Variants in KIF13A observed in about 807,000 individuals in gnomAD.
The protein encoded by KIF13A is kinesin family member 13A.
In KIF13A, 79 loss-of-function variants were observed where a neutral mutation model predicts 212.2. The ratio of observed to expected loss-of-function variants is 0.37; its 90% confidence interval spans 0.31 to 0.45. The LOEUF (loss-of-function observed/expected upper bound fraction) is 0.45, where lower values mean the gene tolerates loss of function less well. Ranked by LOEUF, KIF13A falls within the 20% of genes least tolerant of loss-of-function variation. The pLI, the probability that KIF13A is intolerant of heterozygous loss-of-function variation, is 1.00. For missense variants in KIF13A, 1,901 were observed against 2,209.0 expected, an observed-to-expected ratio of 0.86 and a Z score of 2.79; for synonymous variants, 789 against 808.6, an observed-to-expected ratio of 0.98 and a Z score of 0.41.
chr6:17,890,521 T>G (rs1243000211), intron 3 of KIF13A, among the ~76,000 whole-genome samples: 1 of 152,074 alleles, frequency 6.6e-6, no homozygotes, highest in African/African-American at 2.4e-5. Flanking sequence ...CATAATTAGG[T>G]AGTGATTCTC....
intron 16 of KIF13A, among the ~76,000 whole-genome samples, chr6:17,818,908 T>C (rs1475684535): frequency 6.6e-6 from 1 of 152,232 alleles, no homozygotes; most frequent in African/African-American, 2.4e-5. Flanking sequence ...TACTGTTTTA[T>C]TGATATAAAA....
intron 2 of KIF13A, among the ~76,000 whole-genome samples, chr6:17,940,048 TAAAAA>T (rs56365666): frequency 5.7e-5 from 7 of 121,866 alleles, no homozygotes; most frequent in Admixed American, 9.1e-5. Flanking sequence ...TCTCATAAAT[TAAAAA>T]AAAAAAAAAA....
At position 17,856,245 on chromosome 6, in the gene KIF13A, A is replaced by T; in HGVS notation, c.221-123T>A. 1 of 662,738 alleles carries T rather than the reference A, an allele frequency of 1.5e-6. No individual in the cohort carries two copies. The highest frequency in any genetic ancestry group is 2.6e-6 in the Non-Finnish European group (1 of 378,042). The allele number at this position is 662,738 out of a possible 1,614,324, so 41.1% of individuals were successfully genotyped here. A position where few individuals can be genotyped will look rare whatever the true frequency, so the allele number is the denominator to read the frequency against. On this transcript the variant is annotated intron_variant, in intron 4 of 38. Coordinates refer to ENST00000259711, the MANE Select transcript of KIF13A (RefSeq NM_022113.6). This position sits in a 1 kb window ranked among gnomAD's most constrained non-coding sequence, Gnocchi z 4.5. ...AAAAGTGTAGTACCGAGTGCCCACTAAGTACAGGGCTGTGTATTAAGAGCT... is the reference window on the plus strand; with the variant it reads ...AAAAGTGTAGTACCGAGTGCCCACTTAGTACAGGGCTGTGTATTAAGAGCT...
At chr6:17,937,510 A>G (rs553573432) in intron 2 of KIF13A, among the ~76,000 whole-genome samples, 1 of 152,334 alleles carries the variant, frequency 6.6e-6, no homozygotes, top group East Asian at 1.9e-4. Flanking sequence ...TCGTCTGGAA[A>G]AAGTTACAGA....
At chr6:17,924,483 G>T (rs1775330530) in intron 2 of KIF13A, among the ~76,000 whole-genome samples, 1 of 152,136 alleles carries the variant, frequency 6.6e-6, no homozygotes, top group South Asian at 2.1e-4. Flanking sequence ...ATCAATAAAA[G>T]TGCTTCTATA....
chr6:17,960,230 C>T (rs942593550), intron 2 of KIF13A, among the ~76,000 whole-genome samples: 2 of 152,044 alleles, frequency 1.3e-5, no homozygotes, highest in African/African-American at 4.8e-5. Flanking sequence ...GGGAAAATCA[C>T]TCTTTAGTAA....
intron 2 of KIF13A, among the ~76,000 whole-genome samples, chr6:17,966,651 G>T (rs992128662): frequency 6.6e-6 from 1 of 152,084 alleles, no homozygotes; most frequent in Non-Finnish European, 1.5e-5. Context: ...GATCGGTATG[G>T]ATTCACTTGA....
At chr6:17,973,264 A>G (rs995735051) in intron 2 of KIF13A, among the ~76,000 whole-genome samples, 1 of 152,272 alleles carries the variant, frequency 6.6e-6, no homozygotes, top group African/African-American at 2.4e-5. Flanking sequence ...ACACAACTAT[A>G]TAAGATGACT....
At chr6:17,814,662 A>T (rs574548479) in intron 17 of KIF13A, among the ~76,000 whole-genome samples, 1 of 152,222 alleles carries the variant, frequency 6.6e-6, no homozygotes, top group Non-Finnish European at 1.5e-5. Context: ...TGATTAAGGC[A>T]GGATATTTAA....
At chr6:17,814,959 T>C (rs1047614594) in intron 17 of KIF13A, among the ~76,000 whole-genome samples, 1 of 152,162 alleles carries the variant, frequency 6.6e-6, no homozygotes, top group Non-Finnish European at 1.5e-5. Context: ...GGGGGACCAC[T>C]ACCACCTAGA....
Position 17,906,031 on chromosome 6 carries a change from G to A in KIF13A, c.147-7851C>T, listed in dbSNP as rs559533335. On this transcript the variant is annotated intron_variant, in intron 2 of 38. Coordinates refer to ENST00000259711, the MANE Select transcript of KIF13A (RefSeq NM_022113.6). ...ATAAAAAGTAGAAGGGGTTACATAA[G>A]CATCTGGAAGACCTTTGAAACCTAT... Among the ~76,000 whole-genome samples, 179 of 152,306 alleles carry A rather than the reference G, an allele frequency of 1.2e-3. 2 individuals carry two copies. Among genetic ancestry groups the A allele is most frequent in the South Asian group, 2.5e-3 (12 of 4,826 alleles).
intron 14 of KIF13A, among the ~76,000 whole-genome samples, chr6:17,827,018 T>C (rs1180944954): frequency 6.6e-6 from 1 of 151,790 alleles, no homozygotes; most frequent in Non-Finnish European, 1.5e-5. Flanking sequence ...GCCGAGATCT[T>C]GCCACTGTAC....
At chr6:17,846,896 G>A (rs1049458302) in intron 9 of KIF13A, among the ~76,000 whole-genome samples, 19 of 152,250 alleles carry the variant, frequency 1.2e-4, no homozygotes, top group Non-Finnish European at 2.2e-4. Context: ...GCCTGGGCTC[G>A]GAGACCAATT....
chr6:17,917,235 C>CTTTTT (rs71002284), intron 2 of KIF13A, among the ~76,000 whole-genome samples: 14 of 79,094 alleles, frequency 1.8e-4, no homozygotes, highest in East Asian at 3.6e-4. Flanking sequence ...TTACACGATT[C>CTTTTT]TTTTTTTTTT....
intron 3 of KIF13A, among the ~76,000 whole-genome samples, chr6:17,877,447 T>C (rs1017639754): frequency 1.3e-5 from 2 of 152,224 alleles, no homozygotes; most frequent in African/African-American, 4.8e-5. Flanking sequence ...ATCCAGTTAA[T>C]CTTCCTGCCT....
In KIF13A at chr6:17,895,030, T is replaced by C. The variant is rs1189089371; in HGVS notation, c.159+3138A>G. Among the ~76,000 whole-genome samples, 1 of 152,226 alleles carries C rather than the reference T, an allele frequency of 6.6e-6. No individual in the cohort carries two copies. Among genetic ancestry groups the C allele is most frequent in the African/African-American group, 2.4e-5 (1 of 41,464 alleles). ...TTCCTAAGAAAGGATTAAAAACAGCTGGATCTATCTGCTGCTAAACCCTTG... is the reference window on the plus strand; with the variant it reads ...TTCCTAAGAAAGGATTAAAAACAGCCGGATCTATCTGCTGCTAAACCCTTG... On this transcript the variant is annotated intron_variant, in intron 3 of 38. Transcript: ENST00000259711. This position sits in a 1 kb window ranked among gnomAD's most constrained non-coding sequence, Gnocchi z 4.4.
At chr6:17,917,397 C>T (rs966829301) in intron 2 of KIF13A, among the ~76,000 whole-genome samples, 5 of 151,806 alleles carry the variant, frequency 3.3e-5, no homozygotes, top group Admixed American at 1.3e-4. Flanking sequence ...CCCGCCACCA[C>T]GCCCAGCTAA....
In KIF13A at chr6:17,768,365, A is replaced by G. The variant is rs1242765586; in HGVS notation, c.4581+2749T>C. Among the ~76,000 whole-genome samples, 1 of 152,240 alleles carries G rather than the reference A, an allele frequency of 6.6e-6. No individual in the cohort carries two copies. Among genetic ancestry groups the G allele is most frequent in the African/African-American group, 2.4e-5 (1 of 41,464 alleles). ...TGCAGCTGATATTTACCTATACAGA[A>G]AACACCTTGATTTTAAAAAGGGACT... On this transcript the variant is annotated intron_variant, in intron 38 of 38. Transcript: ENST00000259711. This position sits in a 1 kb window ranked among gnomAD's most constrained non-coding sequence, Gnocchi z 5.4.
At chr6:17,896,125 A>G (rs1772539824) in intron 3 of KIF13A, among the ~76,000 whole-genome samples, 1 of 152,104 alleles carries the variant, frequency 6.6e-6, no homozygotes, top group Admixed American at 6.6e-5. Context: ...CTCTGTATAC[A>G]TGGGTTTTAT....
Sources: gnomAD v4.1 joint callset for allele counts (sites outside exome capture counted in the v4.1 genomes callset) on GRCh38, gnomAD v4.1.1 for gene constraint, Gnocchi (gnomAD v3.1) non-coding constraint, MANE v1.5 for transcripts, NCBI Gene and HGNC (gene_info 2026-07-23, HGNC 2026-07-21) for gene names.